SLC7A9: variants seen among roughly 807,000 people sequenced by gnomAD.
SLC7A9 encodes solute carrier family 7 member 9.
SLC7A9 carries 38 observed loss-of-function variants against 54.1 expected under a neutral mutation model. That is an observed-to-expected ratio of 0.70 (90% confidence interval 0.54 to 0.92). SLC7A9 has a LOEUF of 0.92. SLC7A9 is among the 40% of genes least tolerant of loss of function. SLC7A9 has a pLI of 0.00. For missense variants in SLC7A9, 537 were observed against 636.1 expected, an observed-to-expected ratio of 0.84 and a Z score of 1.68; for synonymous variants, 264 against 258.9, an observed-to-expected ratio of 1.02 and a Z score of -0.19.
rs932942923 is a variant in SLC7A9, at chr19:32,854,500, C to G, written c.977+3940G>C. On this transcript the variant is annotated intron_variant, in intron 9 of 12. Transcript: ENST00000023064. ...TTATCTCACCCCTTAGACAAGAAAT[C>G]TACTCAAAATGGATATAAGACTTGA... is the stretch of plus-strand genomic sequence containing the variant. Among the ~76,000 whole-genome samples, 3 of 152,128 alleles carry G rather than the reference C, an allele frequency of 2.0e-5. No homozygotes were observed. In the East Asian group the frequency reaches 5.8e-4, roughly 29 times the overall value.
At chr19:32,843,119 C>T (rs73036807) in intron 10 of SLC7A9, among the ~76,000 whole-genome samples, 15,836 of 152,044 alleles carry the variant, frequency 0.1, 1,032 homozygotes, top group Middle Eastern at 0.16. Flanking sequence ...AGAACAGTTG[C>T]ACAAAACAAG....
rs12150904 is a variant in SLC7A9 at position 32,864,607 on chromosome 19, A to C, written c.235+22T>G. 0.33 allele frequency: 529,393 copies of C among 1,611,118 alleles called. 88,821 individuals are homozygous for C. Among genetic ancestry groups the C allele is most frequent in the Middle Eastern group, 0.36 (2,057 of 5,758 alleles). ...GCCCCTGCATGCTTCCGGGGCTGCA[A>C]CAGGCTCCCAAGTCTCTTTACCCAG... On this transcript the variant is annotated intron_variant, in intron 3 of 12. Coordinates refer to ENST00000023064, the MANE Select transcript of SLC7A9 (RefSeq NM_014270.5).
chr19:32,841,960 A>G (rs1968138915), intron 11 of SLC7A9, among the ~76,000 whole-genome samples: 1 of 152,220 alleles, frequency 6.6e-6, no homozygotes, highest in African/African-American at 2.4e-5. Context: ...GGCCACAGGT[A>G]TTCGTGATGA....
intron 11 of SLC7A9, among the ~76,000 whole-genome samples, chr19:32,835,259 CCTT>C (rs1194761365): frequency 6.6e-6 from 1 of 152,072 alleles, no homozygotes; most frequent in Non-Finnish European, 1.5e-5. Flanking sequence ...AGTACATTTC[CCTT>C]TTTTGTGTGA....
intron 9 of SLC7A9, among the ~76,000 whole-genome samples, chr19:32,855,651 G>A (rs188496707): frequency 2.6e-5 from 4 of 151,906 alleles, no homozygotes; most frequent in African/African-American, 4.8e-5. Flanking sequence ...GCAGTGAGCC[G>A]AGATCATGCC....
chr19:32,835,698 G>A (rs545620201), intron 11 of SLC7A9, among the ~76,000 whole-genome samples: 1 of 151,778 alleles, frequency 6.6e-6, no homozygotes, highest in South Asian at 2.1e-4. Context: ...GTTTTTTTCT[G>A]CTTATTAGTT....
At chr19:32,855,696 C>T (rs1011156562) in intron 9 of SLC7A9, among the ~76,000 whole-genome samples, 12 of 149,196 alleles carry the variant, frequency 8.0e-5, no homozygotes, top group African/African-American at 2.5e-4. Context: ...AGCAAGACTC[C>T]GTCTCAAAAA....
In SLC7A9 at chr19:32,844,857, CAAAAAAAAAAAA is replaced by C. The variant is rs386388892; in HGVS notation, c.978-918_978-907del. The stretch of plus-strand genomic sequence containing the variant: ...TGGACGACAGAGTGAGAATCCATCT[CAAAAAAAAAAAA>C]AAAAAAAAAAAAAAGCCAGATGTGA... On this transcript the variant is annotated intron_variant, in intron 9 of 12. Coordinates refer to ENST00000023064, the MANE Select transcript of SLC7A9 (RefSeq NM_014270.5). Among the ~76,000 whole-genome samples the C allele has an allele frequency of 2.6e-4, 8 of 30,314 alleles. 1 individual carries two copies. The highest frequency in any genetic ancestry group is 5.4e-3 in the South Asian group (2 of 372). The allele number at this position is 30,314 out of a possible 152,430, so 19.9% of individuals were successfully genotyped here. A position where few individuals can be genotyped will look rare whatever the true frequency, so the allele number is the denominator to read the frequency against.
intron 9 of SLC7A9, among the ~76,000 whole-genome samples, chr19:32,844,379 C>G (rs1175908548): frequency 2.0e-5 from 3 of 152,190 alleles, no homozygotes; most frequent in Non-Finnish European, 4.4e-5. Flanking sequence ...AATGTGAGCT[C>G]TAGCCACCCT....
chr19:32,860,285 A>G lies in SLC7A9; in HGVS notation c.749+321T>C, dbSNP rs1968760381. The G allele has an allele frequency of 2.2e-6, 3 of 1,393,470 alleles. No individual in the cohort carries two copies. The African/African-American group carries it at 4.3e-5, about 20-fold the overall frequency. The allele number at this position is 1,393,470 out of a possible 1,614,324, so 86.3% of individuals were successfully genotyped here. On this transcript the variant is annotated intron_variant, in intron 7 of 12. Transcript: ENST00000023064. ...AAGAAACCATTCGCTGGCCGGGTGC[A>G]GTGGCTCACACCTGTAATCCCAGCA... is the stretch of plus-strand genomic sequence containing the variant.
At chr19:32,844,027 C>T (rs1207345083) in intron 9 of SLC7A9, 76 bp from the exon 10 acceptor site, 27 of 1,145,694 alleles carry the variant, frequency 2.4e-5, no homozygotes, top group Non-Finnish European at 3.1e-5. Context: ...ACTTGTGCTC[C>T]GGGGTCCACC....
At chr19:32,867,166 G>A (rs1395560927) in intron 2 of SLC7A9, among the ~76,000 whole-genome samples, 2 of 152,178 alleles carry the variant, frequency 1.3e-5, no homozygotes, top group Non-Finnish European at 2.9e-5. Context: ...CAGCCATTCA[G>A]ATATAAGGAG....
chr19:32,864,659 A>G lies in SLC7A9; in HGVS notation c.205T>C (p.Trp69Arg), dbSNP rs1968911413. The G allele has an allele frequency of 1.2e-6, 2 of 1,614,074 alleles. No homozygotes were observed. The highest frequency in any genetic ancestry group is 1.1e-5 in the South Asian group (1 of 91,086). ...GTCGCGAGGACCCCGCAAGCCGCCC[A>G]TATGATGAGGCAGGGCCCCACAGCT... ...TEAVGPCLII[W>R]AACGVLATLG... Residue 69 changes from tryptophan (W) to arginine (R), a missense_variant, in exon 3 of 13, where the codon TGG becomes CGG. Transcript: ENST00000023064.
chr19:32,868,230 CAAAAA>C (rs57317909), intron 2 of SLC7A9, among the ~76,000 whole-genome samples: 4 of 88,476 alleles, frequency 4.5e-5, no homozygotes, highest in Middle Eastern at 5.8e-3. Context: ...CACTCCATCT[CAAAAA>C]AAAAAAAAAA....
chr19:32,855,871 G>A (rs1316270920), intron 9 of SLC7A9, among the ~76,000 whole-genome samples: 1 of 152,128 alleles, frequency 6.6e-6, no homozygotes, highest in Non-Finnish European at 1.5e-5. Flanking sequence ...TTGCACCCTT[G>A]CAATGTATTT....
intron 11 of SLC7A9, among the ~76,000 whole-genome samples, 171 bp from the exon 12 acceptor site, chr19:32,833,494 T>C (rs1464456902): frequency 6.6e-6 from 1 of 152,216 alleles, no homozygotes; most frequent in Non-Finnish European, 1.5e-5. Flanking sequence ...AAAAATTTTC[T>C]TTACTTTTTA....
At chr19:32,846,416 A>G (rs1237923847) in intron 9 of SLC7A9, among the ~76,000 whole-genome samples, 2 of 152,202 alleles carry the variant, frequency 1.3e-5, no homozygotes, top group Non-Finnish European at 2.9e-5. Flanking sequence ...AGTCTCACTG[A>G]TGGCTAGCAC....
rs531462894 is a variant in SLC7A9, at chr19:32,843,392, G to T, written c.1074+463C>A. On this transcript the variant is annotated intron_variant, in intron 10 of 12. Coordinates refer to ENST00000023064, the MANE Select transcript of SLC7A9 (RefSeq NM_014270.5). Reference sequence around the variant, plus strand: ...GAATCATTTGAACCTGGGAGGCGGAGGATGCAGTGAGCCAAGATCATGGCA... The same window carrying T: ...GAATCATTTGAACCTGGGAGGCGGATGATGCAGTGAGCCAAGATCATGGCA... Among the ~76,000 whole-genome samples the T allele has an allele frequency of 3.3e-5, 5 of 152,210 alleles. No homozygotes were observed. In the South Asian group the frequency reaches 1.0e-3, roughly 32 times the overall value.
intron 9 of SLC7A9, among the ~76,000 whole-genome samples, chr19:32,848,403 C>T (rs1037333310): frequency 3.3e-5 from 5 of 152,108 alleles, no homozygotes; most frequent in African/African-American, 4.8e-5. Flanking sequence ...TCTGATAAAA[C>T]AGACTTTAAA....
Sources: allele counts gnomAD v4.1 joint callset (sites outside exome capture counted in the v4.1 genomes callset), GRCh38; gene constraint gnomAD v4.1.1; transcripts MANE v1.5; gene names NCBI Gene and HGNC (gene_info 2026-07-23, HGNC 2026-07-21).